Variants in UQCC6 observed in about 807,000 individuals in gnomAD.
The protein encoded by UQCC6 is ubiquinol-cytochrome c reductase complex assembly factor 6.
the UQCC6 span, among the ~76,000 whole-genome samples, chr12:103,957,540 C>T: frequency 1.3e-5 from 2 of 152,178 alleles, no homozygotes; most frequent in South Asian, 4.2e-4. Flanking sequence ...TATGGGAGGT[C>T]ACCCTCCTGT....
chr12:103,959,617 CAGG>C, the UQCC6 span, among the ~76,000 whole-genome samples: 1 of 151,578 alleles, frequency 6.6e-6, no homozygotes, highest in African/African-American at 2.4e-5. Context: ...GAGGCTGAGG[CAGG>C]AGAATTGCTT....
chr12:103,960,211 C>T, the UQCC6 span, among the ~76,000 whole-genome samples: 1 of 152,100 alleles, frequency 6.6e-6, no homozygotes, highest in African/African-American at 2.4e-5. Context: ...GCTTGAATTA[C>T]AGGCAGGCGC....
At chr12:103,955,084 G>A in the UQCC6 span, 3 of 616,222 alleles carry the variant, frequency 4.9e-6, no homozygotes, top group Admixed American at 7.2e-5. Flanking sequence ...GGAGGCAGAG[G>A]CGGGCGGATC....
At chr12:103,953,310 A>G in the UQCC6 span, 1 of 699,746 alleles carries the variant, frequency 1.4e-6, no homozygotes, top group Non-Finnish European at 2.6e-6. Flanking sequence ...TCATATGTAC[A>G]GTATGAGAGA....
chr12:103,952,433 G>A, the UQCC6 span, among the ~76,000 whole-genome samples: 2 of 152,216 alleles, frequency 1.3e-5, no homozygotes, highest in Admixed American at 1.3e-4. Context: ...CAGCTAATAG[G>A]CATTTGGATT....
chr12:103,964,131 CTTTTTTTTTTTTTTTTTTTTTTT>C, the UQCC6 span, among the ~76,000 whole-genome samples: 4 of 69,556 alleles, frequency 5.8e-5, no homozygotes, highest in East Asian at 1.7e-3. Flanking sequence ...CTCCCATAAG[CTTTTTTTTTTTTTTTTTTTTTTT>C]TTTTTTTTTT....
the UQCC6 span, chr12:103,956,719 A>G: frequency 6.4e-7 from 1 of 1,551,636 alleles, no homozygotes; most frequent in Non-Finnish European, 8.7e-7. Flanking sequence ...GTAGGTGGAC[A>G]TGGGCACGCC....
the UQCC6 span, chr12:103,953,676 GAGA>G: frequency 1.5e-6 from 1 of 667,586 alleles, no homozygotes. Context: ...AGTTCCTACA[GAGA>G]TACCCCATTG....
the UQCC6 span, chr12:103,951,391 C>T: frequency 7.8e-6 from 4 of 509,878 alleles, no homozygotes; most frequent in Admixed American, 3.7e-5. Flanking sequence ...TTCAACGTAT[C>T]GGCTAAACAT....
the UQCC6 span, among the ~76,000 whole-genome samples, chr12:103,963,387 G>C: frequency 2.0e-5 from 3 of 152,106 alleles, no homozygotes; most frequent in Admixed American, 6.6e-5. Flanking sequence ...ACACTGTCTT[G>C]ATTACTGTAG....
chr12:103,953,359 A>C, the UQCC6 span: 2 of 701,832 alleles, frequency 2.8e-6, no homozygotes, highest in South Asian at 3.0e-5. Context: ...CCTGAACTAC[A>C]ACAGAGTCAT....
chr12:103,951,448 G>C, the UQCC6 span: 1 of 829,956 alleles, frequency 1.2e-6, no homozygotes, highest in Non-Finnish European at 1.9e-6. Context: ...AAGTGCTTAA[G>C]GACAAGTAGT....
chr12:103,954,806 T>C, the UQCC6 span: 1 of 621,982 alleles, frequency 1.6e-6, no homozygotes, highest in African/African-American at 1.8e-5. Context: ...TCTACATACT[T>C]GAACTCAATT....
the UQCC6 span, among the ~76,000 whole-genome samples, chr12:103,960,916 T>C: frequency 6.6e-6 from 1 of 152,222 alleles, no homozygotes; most frequent in African/African-American, 2.4e-5. Context: ...TACTATACTT[T>C]TATGGTTCTT....
chr12:103,951,462 A>G, the UQCC6 span: 1 of 955,904 alleles, frequency 1.0e-6, no homozygotes, highest in Non-Finnish European at 1.6e-6. Flanking sequence ...AAGTAGTTTG[A>G]TGCAATAAAT....
chr12:103,964,817 T>A, the UQCC6 span, among the ~76,000 whole-genome samples: 1 of 152,240 alleles, frequency 6.6e-6, no homozygotes, highest in East Asian at 1.9e-4. Context: ...TGTCTACTAA[T>A]GGACAGGGTA....
At chr12:103,956,585 A>G in the UQCC6 span, 1 of 1,230,692 alleles carries the variant, frequency 8.1e-7, no homozygotes, top group Non-Finnish European at 1.2e-6. Flanking sequence ...CAAAGAAATG[A>G]GGTATATTTA....
chr12:103,963,879 AACAAAG>A, the UQCC6 span, among the ~76,000 whole-genome samples: 4 of 152,298 alleles, frequency 2.6e-5, no homozygotes, highest in East Asian at 5.8e-4. Context: ...CAGAGCAATG[AACAAAG>A]ACAAATTGTT....
chr12:103,955,793 T>C, the UQCC6 span: 1 of 455,892 alleles, frequency 2.2e-6, no homozygotes, highest in Non-Finnish European at 4.4e-6. Flanking sequence ...CAGCACATTC[T>C]TGTAATTATT....
Sources: gnomAD v4.1 joint callset for allele counts (sites outside exome capture counted in the v4.1 genomes callset) on GRCh38, gnomAD v4.1.1 for gene constraint, MANE v1.5 for transcripts, NCBI Gene and HGNC (gene_info 2026-07-23, HGNC 2026-07-21) for gene names.